Variants in USP12 observed in about 807,000 individuals in gnomAD.
USP12 encodes the protein ubiquitin carboxyl-terminal hydrolase 12.
Under a neutral mutation model 45.5 loss-of-function variants are expected in USP12, and 19 were observed. That is an observed-to-expected ratio of 0.42 (90% confidence interval 0.29 to 0.61). The LOEUF (loss-of-function observed/expected upper bound fraction) is 0.61, where lower values mean the gene tolerates loss of function less well. Among genes scored for constraint, USP12 ranks in the 20% least tolerant of loss-of-function variants. The pLI, the probability that USP12 is intolerant of heterozygous loss-of-function variation, is 0.22. For synonymous variants in USP12, 149 were observed against 148.8 expected (o/e 1.00, Z -0.01); for missense variants, 242 against 447.7 (o/e 0.54, Z 4.15).
intron 6 of USP12, among the ~76,000 whole-genome samples, chr13:27,083,429 A>C (rs1873855390): frequency 6.6e-6 from 1 of 151,978 alleles, no homozygotes. Flanking sequence ...CTAAGACCTG[A>C]GCCTCAGCCT....
At chr13:27,111,239 G>T (rs1328759115) in intron 2 of USP12, among the ~76,000 whole-genome samples, 8 of 151,992 alleles carry the variant, frequency 5.3e-5, no homozygotes, top group Non-Finnish European at 1.5e-5. Flanking sequence ...TAATAATTTT[G>T]AAACTTTTCC....
chr13:27,067,127 TG>T lies in USP12; in HGVS notation c.*2155del, dbSNP rs895058778. 1.3e-5 allele frequency: 2 copies of T among 152,282 alleles called. No homozygotes were observed. Among genetic ancestry groups the T allele is most frequent in the African/African-American group, 2.4e-5 (1 of 41,566 alleles). The allele number at this position is 152,282 out of a possible 1,614,324, so 9.4% of individuals were successfully genotyped here. On this transcript the variant is annotated 3_prime_UTR_variant, in exon 9 of 9. Coordinates refer to ENST00000282344, the MANE Select transcript of USP12 (RefSeq NM_182488.4). ...GAAATTTAACTTGGCTTTTACGGCA[TG>T]TTTTTTTTTAATGCAAAAATGTAAA...
intron 2 of USP12, among the ~76,000 whole-genome samples, chr13:27,109,742 C>G (rs545550892): frequency 6.6e-6 from 1 of 151,752 alleles, no homozygotes; most frequent in East Asian, 1.9e-4. Flanking sequence ...GGTGAAACCC[C>G]GTCTCTACTA....
intron 7 of USP12, among the ~76,000 whole-genome samples, chr13:27,072,546 A>G: frequency 6.6e-6 from 1 of 152,206 alleles, no homozygotes; most frequent in East Asian, 1.9e-4. Context: ...ATAACTATTG[A>G]TTGCTGTGGA....
In USP12 at chr13:27,090,185, T is replaced by C; in HGVS notation, c.574-27A>G. The stretch of plus-strand genomic sequence containing the variant: ...TGTAAAAACAGTGAATTGTCTTTGA[T>C]TTTTTCAAATACTAGTAAACCACAG... On this transcript the variant is annotated intron_variant, in intron 4 of 8. Transcript: ENST00000282344. The C allele has an allele frequency of 2.6e-6, 4 of 1,548,220 alleles. No homozygotes were observed. The South Asian group carries it at 4.8e-5, about 19-fold the overall frequency.
chr13:27,071,814 A>AT (rs1873257458), intron 7 of USP12, among the ~76,000 whole-genome samples: 1 of 152,224 alleles, frequency 6.6e-6, no homozygotes, highest in African/African-American at 2.4e-5. Flanking sequence ...TAAAAGAAGC[A>AT]TAATTCCTTT....
chr13:27,170,283 T>A (rs1412263334), intron 1 of USP12: 1 of 398,556 alleles, frequency 2.5e-6, no homozygotes, highest in Non-Finnish European at 4.4e-6. Context: ...CAGCGTGTAG[T>A]AGAGAATCTG....
intron 1 of USP12, among the ~76,000 whole-genome samples, chr13:27,127,105 C>T (rs1876274487): frequency 6.6e-6 from 1 of 152,160 alleles, no homozygotes; most frequent in Admixed American, 6.5e-5. Flanking sequence ...GTGGCCTCCT[C>T]TATGTTAAAA....
At chr13:27,122,398 C>T (rs1876034042) in intron 1 of USP12, among the ~76,000 whole-genome samples, 1 of 152,168 alleles carries the variant, frequency 6.6e-6, no homozygotes, top group Non-Finnish European at 1.5e-5. Context: ...CCATGTGGAA[C>T]TGTAAGTCCA....
chr13:27,070,689 G>A (rs1026302484), intron 8 of USP12, among the ~76,000 whole-genome samples: 1 of 152,086 alleles, frequency 6.6e-6, no homozygotes, highest in Non-Finnish European at 1.5e-5. Context: ...GAGTAGCTGG[G>A]ATTACAGGCA....
At chr13:27,087,272 T>A (rs867462142) in intron 6 of USP12, among the ~76,000 whole-genome samples, 1 of 68,198 alleles carries the variant, frequency 1.5e-5, no homozygotes, top group African/African-American at 4.8e-5. Context: ...TGTGTGTGTG[T>A]GTGTGTGTGT....
At chr13:27,113,820 G>T (rs546147410) in intron 2 of USP12, among the ~76,000 whole-genome samples, 5 of 152,190 alleles carry the variant, frequency 3.3e-5, no homozygotes, top group Non-Finnish European at 2.9e-5. Context: ...ATGGCCATCA[G>T]ATGAGGAGAA....
At chr13:27,146,226 A>C (rs61690916) in intron 1 of USP12, among the ~76,000 whole-genome samples, 3,229 of 152,228 alleles carry the variant, frequency 0.021, 116 homozygotes, top group African/African-American at 0.074. Flanking sequence ...ACATGGTGAA[A>C]CCCTGTGTCT....
intron 6 of USP12, among the ~76,000 whole-genome samples, chr13:27,080,061 C>A (rs1593172919): frequency 6.6e-6 from 1 of 152,158 alleles, no homozygotes; most frequent in East Asian, 1.9e-4. Context: ...GGGGATGGGT[C>A]ACAGGCACAA....
intron 1 of USP12, among the ~76,000 whole-genome samples, chr13:27,124,911 A>T (rs1344308512): frequency 6.6e-6 from 1 of 152,254 alleles, no homozygotes. Context: ...AACACATTAT[A>T]CAATGAGTTT....
chr13:27,109,203 T>C (rs1415719966), intron 2 of USP12, among the ~76,000 whole-genome samples: 3 of 152,198 alleles, frequency 2.0e-5, no homozygotes, highest in Non-Finnish European at 4.4e-5. Flanking sequence ...TAATTATCAA[T>C]GGATGCTCAA....
At chr13:27,097,833 G>GGACC (rs1874663605) in intron 3 of USP12, among the ~76,000 whole-genome samples, 1 of 152,110 alleles carries the variant, frequency 6.6e-6, no homozygotes, top group African/African-American at 2.4e-5. Context: ...AAAATGCTTG[G>GGACC]GACCAGCAGT....
intron 7 of USP12, among the ~76,000 whole-genome samples, chr13:27,072,070 A>C (rs1873267408): frequency 6.6e-6 from 1 of 152,118 alleles, no homozygotes; most frequent in Non-Finnish European, 1.5e-5. Context: ...AGGTGAGATA[A>C]ATATCTTTGA....
intron 1 of USP12, among the ~76,000 whole-genome samples, chr13:27,138,270 A>G (rs1946180362): frequency 6.6e-6 from 1 of 152,252 alleles, no homozygotes; most frequent in Non-Finnish European, 1.5e-5. Context: ...CGAAAGGCTC[A>G]GGGAGCTGAG....
Sources: allele counts gnomAD v4.1 joint callset (sites outside exome capture counted in the v4.1 genomes callset), GRCh38; gene constraint gnomAD v4.1.1; transcripts MANE v1.5; gene names NCBI Gene and HGNC (gene_info 2026-07-23, HGNC 2026-07-21).